SLC25A26: variants seen among roughly 807,000 people sequenced by gnomAD.
The protein encoded by SLC25A26 is solute carrier family 25 member 26.
A neutral mutation model predicts 37.8 loss-of-function variants in SLC25A26; 36 were observed. The ratio of observed to expected loss-of-function variants is 0.95; its 90% CI spans 0.73 to 1.26. The LOEUF is 1.26. SLC25A26 is among the 50% of genes most tolerant of loss of function. The pLI, the probability that SLC25A26 is intolerant of heterozygous loss-of-function variation, is 0.00. For synonymous variants in SLC25A26, 129 were observed against 122.5 expected (o/e 1.05, Z -0.35); for missense variants, 390 against 331.1 (o/e 1.18, Z -1.38).
At chr3:66,222,146 G>C (rs1290908768) in intron 1 of SLC25A26, among the ~76,000 whole-genome samples, 1 of 151,858 alleles carries the variant, frequency 6.6e-6, no homozygotes, top group African/African-American at 2.4e-5. Flanking sequence ...ACTTGTATAA[G>C]GTAGGTCTTA....
intron 1 of SLC25A26, among the ~76,000 whole-genome samples, chr3:66,209,453 A>T (rs998731729): frequency 0.035 from 4,922 of 140,144 alleles, 291 homozygotes; most frequent in African/African-American, 0.12. Context: ...ATATATATAT[A>T]AAGGTGTATA....
chr3:66,203,270 A>C (rs1213247648), intron 1 of SLC25A26, among the ~76,000 whole-genome samples: 4 of 152,008 alleles, frequency 2.6e-5, no homozygotes, highest in Admixed American at 6.6e-5. Context: ...AGTTCCAGCT[A>C]CTTGGGAGGC....
intron 5 of SLC25A26, among the ~76,000 whole-genome samples, chr3:66,291,208 C>T (rs886291546): frequency 6.6e-6 from 1 of 151,988 alleles, no homozygotes; most frequent in African/African-American, 2.4e-5. Flanking sequence ...TCTCTCTTTT[C>T]TTCTTTATTT....
chr3:66,138,717 G>T (rs1487540694), intron 1 of SLC25A26, among the ~76,000 whole-genome samples: 2 of 152,062 alleles, frequency 1.3e-5, no homozygotes, highest in Admixed American at 1.3e-4. Flanking sequence ...AGGAGGCATG[G>T]GAGAGAGCCA....
At chr3:66,267,611 A>C (rs1027551577) in intron 5 of SLC25A26, among the ~76,000 whole-genome samples, 1 of 152,218 alleles carries the variant, frequency 6.6e-6, no homozygotes, top group African/African-American at 2.4e-5. Context: ...AGATGTAGCC[A>C]TTTTAATAAC....
chr3:66,139,929 A>G (rs916441796), intron 1 of SLC25A26, among the ~76,000 whole-genome samples: 7 of 152,206 alleles, frequency 4.6e-5, no homozygotes, highest in African/African-American at 1.7e-4. Context: ...AATAGATGTT[A>G]TTTGCTATTG....
chr3:66,191,925 G>C (rs2070950084), intron 1 of SLC25A26, among the ~76,000 whole-genome samples: 1 of 150,838 alleles, frequency 6.6e-6, no homozygotes, highest in Non-Finnish European at 1.5e-5. Flanking sequence ...AAAAAAAAAA[G>C]TTAAAATTCT....
chr3:66,330,132 G>A (rs2075937130), intron 5 of SLC25A26, among the ~76,000 whole-genome samples: 1 of 152,168 alleles, frequency 6.6e-6, no homozygotes, highest in Non-Finnish European at 1.5e-5. Flanking sequence ...CTGGCAGATA[G>A]GATGCAGTTT....
At chr3:66,269,885 G>A (rs926349150) in intron 5 of SLC25A26, among the ~76,000 whole-genome samples, 26 of 152,244 alleles carry the variant, frequency 1.7e-4, no homozygotes, top group African/African-American at 6.0e-4. Context: ...TCCAGATAGC[G>A]TGTAAATCCT....
intron 1 of SLC25A26, among the ~76,000 whole-genome samples, chr3:66,160,802 G>T (rs1261008438): frequency 6.6e-6 from 1 of 152,064 alleles, no homozygotes; most frequent in African/African-American, 2.4e-5. Flanking sequence ...GGATGTGGTG[G>T]TACACACCTG....
intron 3 of SLC25A26, among the ~76,000 whole-genome samples, chr3:66,257,002 C>T (rs1271274096): frequency 6.6e-6 from 1 of 152,174 alleles, no homozygotes; most frequent in Non-Finnish European, 1.5e-5. Flanking sequence ...TTGTTTTCAA[C>T]ATAAAATAAT....
intron 5 of SLC25A26, among the ~76,000 whole-genome samples, chr3:66,332,357 C>G (rs1013058207): frequency 6.6e-6 from 1 of 152,038 alleles, no homozygotes; most frequent in African/African-American, 2.4e-5. Flanking sequence ...AATACTTTGC[C>G]GTACATCTGT....
At chr3:66,184,828 G>A in intron 1 of SLC25A26, among the ~76,000 whole-genome samples, 1 of 151,784 alleles carries the variant, frequency 6.6e-6, no homozygotes, top group East Asian at 1.9e-4. Flanking sequence ...CCTGTCCCTG[G>A]TCGTGACCCT....
chr3:66,245,521 T>G (rs1051624182), intron 3 of SLC25A26, among the ~76,000 whole-genome samples: 1 of 152,188 alleles, frequency 6.6e-6, no homozygotes, highest in Admixed American at 6.5e-5. Context: ...TGTAAGCCTT[T>G]TATCAAATCA....
At chr3:66,295,904 G>T (rs1362663115) in intron 5 of SLC25A26, among the ~76,000 whole-genome samples, 1 of 151,942 alleles carries the variant, frequency 6.6e-6, no homozygotes, top group African/African-American at 2.4e-5. Context: ...GGATCACGAG[G>T]TCAGGAGTTC....
chr3:66,343,161 C>A (rs925724151), intron 5 of SLC25A26, among the ~76,000 whole-genome samples: 1 of 152,196 alleles, frequency 6.6e-6, no homozygotes, highest in African/African-American at 2.4e-5. Flanking sequence ...GGCCCACGTT[C>A]TGTAGACGTT....
intron 3 of SLC25A26, among the ~76,000 whole-genome samples, chr3:66,258,328 A>G (rs1353266121): frequency 6.6e-6 from 1 of 152,212 alleles, no homozygotes; most frequent in Non-Finnish European, 1.5e-5. Context: ...CAGGATGCCC[A>G]GGATGAGAGG....
At chr3:66,138,426 A>G (rs569079904) in intron 1 of SLC25A26, among the ~76,000 whole-genome samples, 34 of 152,226 alleles carry the variant, frequency 2.2e-4, no homozygotes, top group African/African-American at 7.7e-4. Flanking sequence ...TTGAGATCCT[A>G]GTACACATGC....
chr3:66,194,164 G>GC, intron 1 of SLC25A26, among the ~76,000 whole-genome samples: 1 of 152,294 alleles, frequency 6.6e-6, no homozygotes, highest in Middle Eastern at 3.4e-3. Flanking sequence ...AGGAATCAAA[G>GC]CCTCTATGCC....
Sources: gnomAD v4.1 joint callset for allele counts (sites outside exome capture counted in the v4.1 genomes callset) on GRCh38, gnomAD v4.1.1 for gene constraint, MANE v1.5 for transcripts, NCBI Gene and HGNC (gene_info 2026-07-23, HGNC 2026-07-21) for gene names.